Variants in CLEC18A observed in about 807,000 individuals in gnomAD.
CLEC18A encodes C-type lectin domain family 18 member A.
CLEC18A carries 5 observed loss-of-function variants against 24.0 expected under a neutral mutation model. The ratio of observed to expected loss-of-function variants is 0.21; its 90% CI spans 0.11 to 0.44. The LOEUF (loss-of-function observed/expected upper bound fraction) is 0.44, where lower values mean the gene tolerates loss of function less well. Ranked by LOEUF, CLEC18A falls within the 20% of genes least tolerant of loss-of-function variation. The probability of loss-of-function intolerance (pLI) is 0.99; values close to 1 mark genes in which losing one functional copy is unlikely to be tolerated. For missense variants in CLEC18A, 83 were observed against 233.4 expected, an observed-to-expected ratio of 0.36 and a Z score of 4.20; for synonymous variants, 29 against 100.1, an observed-to-expected ratio of 0.29 and a Z score of 4.24.
At chr16:69,966,425 C>T (rs547456796), downstream of CLEC18A, among the ~76,000 whole-genome samples, 2 of 132,790 alleles carry the variant, frequency 1.5e-5, no homozygotes, top group East Asian at 2.1e-4. Flanking sequence ...GTAAAGAAGC[C>T]GCGGCCAAAA....
chr16:69,963,077 T>A lies in CLEC18A; in HGVS notation c.1303+10T>A. On this transcript the variant is annotated intron_variant, in intron 11 of 11. Coordinates refer to ENST00000288040, the MANE Select transcript of CLEC18A (RefSeq NM_001370523.4). ...TACATCTGCCAGTTTGGTGAGGGAC[T>A]TCCTGAGGCTCCCCTTCTCTGATCC... 1.2e-6 allele frequency: 2 copies of A among 1,613,414 alleles called. No individual in the cohort carries two copies. Among genetic ancestry groups the A allele is most frequent in the Admixed American group, 1.7e-5 (1 of 60,028 alleles).
chr16:69,965,201 T>A (rs1959337120), downstream of CLEC18A, among the ~76,000 whole-genome samples: 3 of 151,824 alleles, frequency 2.0e-5, no homozygotes, highest in South Asian at 6.3e-4. Context: ...CGCGGGGTGA[T>A]CACACAGATG....
At chr16:69,965,105 C>T (rs561823456), downstream of CLEC18A, among the ~76,000 whole-genome samples, 67 of 151,766 alleles carry the variant, frequency 4.4e-4, 1 homozygote, top group South Asian at 3.1e-3. Context: ...CCGGCCCAGT[C>T]TTTCCCTCTC....
upstream of CLEC18A, among the ~76,000 whole-genome samples, chr16:69,947,293 C>T (rs2650523): frequency 6.9e-5 from 9 of 130,042 alleles, no homozygotes; most frequent in South Asian, 1.7e-3. Flanking sequence ...CTTCTTATAA[C>T]GAGGCCAGTC....
chr16:69,955,223 G>A (rs1180162957), intron 3 of CLEC18A, among the ~76,000 whole-genome samples: 6 of 151,520 alleles, frequency 4.0e-5, no homozygotes, highest in East Asian at 1.9e-4. Flanking sequence ...GGCTGGTCTC[G>A]AACTCCTGAC....
upstream of CLEC18A, among the ~76,000 whole-genome samples, chr16:69,946,698 C>T (rs1366907090): frequency 6.7e-6 from 1 of 150,274 alleles, no homozygotes; most frequent in African/African-American, 2.5e-5. Flanking sequence ...GCCACTGTGC[C>T]TGGCCATGTG....
upstream of CLEC18A, among the ~76,000 whole-genome samples, chr16:69,949,037 C>T (rs1275107833): frequency 4.0e-5 from 4 of 99,132 alleles, no homozygotes; most frequent in South Asian, 1.6e-3. Flanking sequence ...CTGCAACCTC[C>T]GCCTCCCAGA....
chr16:69,943,631 G>A, the CLEC18A span, among the ~76,000 whole-genome samples: 5 of 151,934 alleles, frequency 3.3e-5, no homozygotes, highest in East Asian at 9.7e-4. Context: ...AACCACTGGC[G>A]CCTTGGTGCA....
At chr16:69,952,350 C>T (rs905228148) in intron 2 of CLEC18A, 3 of 285,322 alleles carry the variant, frequency 1.1e-5, no homozygotes, top group Non-Finnish European at 1.8e-5. Flanking sequence ...CCCCTTGGCT[C>T]CCACTCGCCT....
intron 2 of CLEC18A, chr16:69,953,413 C>G (rs1442929235): frequency 6.6e-6 from 1 of 151,288 alleles, no homozygotes. Context: ...GAGTCCTATC[C>G]TGCAGGCACC....
chr16:69,954,619 G>C (rs2059008668), intron 3 of CLEC18A, 46 bp downstream of exon 3: 1 of 1,604,486 alleles, frequency 6.2e-7, no homozygotes, highest in Non-Finnish European at 8.5e-7. Context: ...CCCAGATACA[G>C]ACTTCCACTG....
chr16:69,946,231 G>C (rs2152007968), upstream of CLEC18A, among the ~76,000 whole-genome samples: 1 of 132,918 alleles, frequency 7.5e-6, no homozygotes, highest in Admixed American at 8.0e-5. Flanking sequence ...AAGAGATCAG[G>C]CCACTGCACT....
chr16:69,964,924 C>T (rs1467111105), downstream of CLEC18A, among the ~76,000 whole-genome samples: 5 of 152,094 alleles, frequency 3.3e-5, no homozygotes, highest in African/African-American at 1.2e-4. Context: ...GCCTCAGCCA[C>T]CCAAGTAGCT....
upstream of CLEC18A, among the ~76,000 whole-genome samples, chr16:69,946,484 G>A (rs62053268): frequency 0.071 from 7,434 of 103,984 alleles, no homozygotes; most frequent in Non-Finnish European, 0.1. Flanking sequence ...TGTAACCTCC[G>A]CCTCCCGGGT....
At chr16:69,954,661 A>G in intron 3 of CLEC18A, 88 bp downstream of exon 3, 1 of 1,547,060 alleles carries the variant, frequency 6.5e-7, no homozygotes, top group Non-Finnish European at 8.7e-7. Flanking sequence ...AGTTTGTCCT[A>G]AATGTTGGGA....
At chr16:69,964,506 C>CT (rs111959288), downstream of CLEC18A, 27 of 102,660 alleles carry the variant, frequency 2.6e-4, 1 homozygote, top group South Asian at 6.0e-4. Context: ...CTTTTCTTTT[C>CT]TTTTTTTTTT....
At chr16:69,946,070 G>T (rs1317081163), upstream of CLEC18A, among the ~76,000 whole-genome samples, 37 of 107,076 alleles carry the variant, frequency 3.5e-4, no homozygotes, top group Non-Finnish European at 5.8e-4. Context: ...TCCAGCCTCA[G>T]TGACAGAGTG....
the CLEC18A span, among the ~76,000 whole-genome samples, chr16:69,944,625 G>T: frequency 1.3e-5 from 2 of 151,574 alleles, no homozygotes; most frequent in Admixed American, 1.3e-4. Context: ...GGATCACAAG[G>T]TCAGATCAAG....
rs1422071745 is a variant in CLEC18A at position 69,954,753 on chromosome 16, A to G, written c.456+180A>G. 3.3e-5 allele frequency among the ~76,000 whole-genome samples: 5 copies of G among 151,836 alleles called. No homozygotes were observed. The East Asian group carries it at 9.6e-4, about 29-fold the overall frequency. On this transcript the variant is annotated intron_variant, in intron 3 of 11. Transcript: ENST00000288040. ...TGCTCTGTTGCCCAGGCTAGAGTGC[A>G]GTGGCGTGATCTCGGCTCACTGCAA...
Sources: allele counts gnomAD v4.1 joint callset (sites outside exome capture counted in the v4.1 genomes callset), GRCh38; gene constraint gnomAD v4.1.1; transcripts MANE v1.5; gene names NCBI Gene and HGNC (gene_info 2026-07-23, HGNC 2026-07-21).